Variants in LCLAT1 observed in about 807,000 individuals in gnomAD.
LCLAT1 encodes 1-AGP acyltransferase 8.
A neutral mutation model predicts 30.7 loss-of-function variants in LCLAT1; 11 were observed. The observed-to-expected ratio is 0.36, with a 90% CI of 0.23 to 0.59. LCLAT1 has a LOEUF of 0.59. Among genes scored for constraint, LCLAT1 ranks in the 20% least tolerant of loss-of-function variants. The probability of loss-of-function intolerance (pLI) is 0.77; values close to 1 mark genes in which losing one functional copy is unlikely to be tolerated. For missense variants in LCLAT1, 402 were observed against 458.6 expected (o/e 0.88, Z 1.13); for synonymous variants, 155 against 151.3 (o/e 1.02, Z -0.18).
At chr2:30,521,885 T>C (rs1032571665) in intron 1 of LCLAT1, among the ~76,000 whole-genome samples, 1 of 152,198 alleles carries the variant, frequency 6.6e-6, no homozygotes, top group Non-Finnish European at 1.5e-5. Context: ...CTGATCTGTT[T>C]CCTTATCCTT....
chr2:30,537,542 ACACG>A (rs1038109731), intron 3 of LCLAT1, among the ~76,000 whole-genome samples: 2 of 151,798 alleles, frequency 1.3e-5, no homozygotes, highest in Non-Finnish European at 2.9e-5. Context: ...ACACACACAC[ACACG>A]CACGCACACC....
chr2:30,630,061 C>T (rs557972083), intron 5 of LCLAT1, among the ~76,000 whole-genome samples: 2 of 152,164 alleles, frequency 1.3e-5, no homozygotes, highest in Non-Finnish European at 2.9e-5. Flanking sequence ...GTTCTGGAGG[C>T]CAGAAGACCA....
At chr2:30,608,780 A>G (rs1667590853) in intron 5 of LCLAT1, among the ~76,000 whole-genome samples, 2 of 152,128 alleles carry the variant, frequency 1.3e-5, no homozygotes, top group South Asian at 4.2e-4. Context: ...AATTGCCTAA[A>G]GACACATCTC....
intron 1 of LCLAT1, among the ~76,000 whole-genome samples, chr2:30,496,227 C>T (rs1460907831): frequency 2.0e-5 from 3 of 152,166 alleles, no homozygotes; most frequent in Admixed American, 1.3e-4. Flanking sequence ...CCACCAGGCC[C>T]CTCTTCCAAC....
chr2:30,628,800 CGT>C (rs1044947202), intron 5 of LCLAT1, among the ~76,000 whole-genome samples: 2 of 152,078 alleles, frequency 1.3e-5, no homozygotes, highest in African/African-American at 2.4e-5. Context: ...AAGAAAAAAA[CGT>C]ATTTCATCTT....
rs747853306 is a variant in LCLAT1 at position 30,631,652 on chromosome 2, A to T, written c.629-8465A>T. On this transcript the variant is annotated intron_variant, in intron 5 of 5. Transcript: ENST00000379509. ...AAAGTTACTTTTCCTTTTATTTTTAATGCATTATGTGAAAAATATTCCTTG... is the reference window on the plus strand; with the variant it reads ...AAAGTTACTTTTCCTTTTATTTTTATTGCATTATGTGAAAAATATTCCTTG... Among the ~76,000 whole-genome samples the T allele has an allele frequency of 2.6e-5, 4 of 152,214 alleles. No homozygotes were observed. In the South Asian group the frequency reaches 8.3e-4, roughly 32 times the overall value.
chr2:30,583,092 T>C (rs1666274808), intron 5 of LCLAT1, among the ~76,000 whole-genome samples: 1 of 152,230 alleles, frequency 6.6e-6, no homozygotes, highest in Non-Finnish European at 1.5e-5. Flanking sequence ...ATTTAAAGTG[T>C]TGGCACACAA....
chr2:30,473,940 A>G (rs535251313), intron 1 of LCLAT1, among the ~76,000 whole-genome samples: 123 of 152,340 alleles, frequency 8.1e-4, no homozygotes, highest in African/African-American at 2.9e-3. Context: ...TTCCAGTCCA[A>G]TTCACTGTTT....
At chr2:30,476,092 G>A (rs769356444) in intron 1 of LCLAT1, among the ~76,000 whole-genome samples, 4 of 152,152 alleles carry the variant, frequency 2.6e-5, no homozygotes, top group Non-Finnish European at 4.4e-5. Context: ...GGTAGTATAG[G>A]TCATAGATGT....
intron 3 of LCLAT1, among the ~76,000 whole-genome samples, chr2:30,539,204 C>T (rs1417186242): frequency 2.0e-5 from 3 of 151,376 alleles, no homozygotes; most frequent in African/African-American, 7.3e-5. Context: ...CCGCCTCAGC[C>T]TCCCAAAGTG....
At chr2:30,518,916 A>G (rs1389311394) in intron 1 of LCLAT1, among the ~76,000 whole-genome samples, 2 of 152,200 alleles carry the variant, frequency 1.3e-5, no homozygotes, top group Non-Finnish European at 2.9e-5. Flanking sequence ...TCATACTTGG[A>G]CACTCTTGTC....
chr2:30,606,076 A>G lies in LCLAT1; in HGVS notation c.629-34041A>G, dbSNP rs545859197. On this transcript the variant is annotated intron_variant, in intron 5 of 5. Coordinates refer to ENST00000379509, the MANE Select transcript of LCLAT1 (RefSeq NM_001002257.3). Reference sequence around the variant, plus strand: ...CAAGGAGAACTACAAATCACTGCTCAAGGAAATCAGAGAGGACACAAACAA... The same window carrying G: ...CAAGGAGAACTACAAATCACTGCTCGAGGAAATCAGAGAGGACACAAACAA... 354 of 1,257,458 alleles carry G rather than the reference A, an allele frequency of 2.8e-4. 1 individual carries two copies. The highest frequency in any genetic ancestry group is 2.4e-3 in the Middle Eastern group (11 of 4,602). 77.9% of individuals were successfully genotyped at this position (1,257,458 alleles called of 1,614,324 possible).
chr2:30,572,112 A>G (rs1332925740), intron 5 of LCLAT1, among the ~76,000 whole-genome samples: 1 of 152,188 alleles, frequency 6.6e-6, no homozygotes, highest in Non-Finnish European at 1.5e-5. Flanking sequence ...TTCAAATGCC[A>G]TGGTATCGCT....
chr2:30,640,821 G>A lies in LCLAT1; in HGVS notation c.*202G>A. The A allele has an allele frequency of 1.7e-6, 1 of 579,812 alleles. No individual in the cohort carries two copies. The highest frequency in any genetic ancestry group is 2.9e-6 in the Non-Finnish European group (1 of 342,166). The allele number at this position is 579,812 out of a possible 1,614,324, so 35.9% of individuals were successfully genotyped here. A position where few individuals can be genotyped will look rare whatever the true frequency, so the allele number is the denominator to read the frequency against. ...TCTCTGAATGTAATTTCGATACTGT[G>A]TACATAGCAGGGAGTGATCGGGGTG... On this transcript the variant is annotated 3_prime_UTR_variant, in exon 6 of 6. Coordinates refer to ENST00000379509, the MANE Select transcript of LCLAT1 (RefSeq NM_001002257.3).
At chr2:30,561,110 T>G (rs564156738) in intron 3 of LCLAT1, among the ~76,000 whole-genome samples, 2 of 152,028 alleles carry the variant, frequency 1.3e-5, no homozygotes, top group East Asian at 3.9e-4. Flanking sequence ...CCTGGCTAAT[T>G]TTTTGTATTT....
chr2:30,595,600 A>G (rs758152582), intron 5 of LCLAT1, among the ~76,000 whole-genome samples: 22 of 152,052 alleles, frequency 1.4e-4, no homozygotes, highest in Non-Finnish European at 3.1e-4. Flanking sequence ...TGCTGAACTT[A>G]ATGGGTACAT....
intron 1 of LCLAT1, among the ~76,000 whole-genome samples, chr2:30,486,621 A>G (rs1209708148): frequency 2.6e-5 from 4 of 152,188 alleles, no homozygotes; most frequent in East Asian, 1.9e-4. Context: ...GGCAGAGACT[A>G]CCAAATTCCT....
At chr2:30,567,769 C>T (rs1665560357) in intron 4 of LCLAT1, among the ~76,000 whole-genome samples, 1 of 152,208 alleles carries the variant, frequency 6.6e-6, no homozygotes, top group African/African-American at 2.4e-5. Context: ...TCACTATCTT[C>T]TCAGTTTGCT....
At chr2:30,528,984 C>G (rs1685866883) in intron 2 of LCLAT1, among the ~76,000 whole-genome samples, 1 of 152,114 alleles carries the variant, frequency 6.6e-6, no homozygotes, top group African/African-American at 2.4e-5. Context: ...CACCTTTTAT[C>G]TCATACTCGT....
Sources: gnomAD v4.1 joint callset for allele counts (sites outside exome capture counted in the v4.1 genomes callset) on GRCh38, gnomAD v4.1.1 for gene constraint, MANE v1.5 for transcripts, NCBI Gene and HGNC (gene_info 2026-07-23, HGNC 2026-07-21) for gene names.